CRADD: variants seen among roughly 807,000 people sequenced by gnomAD.
CRADD encodes death domain-containing protein CRADD.
A neutral mutation model predicts 15.5 loss-of-function variants in CRADD; 9 were observed. That is an observed-to-expected ratio of 0.58 (90% CI 0.35 to 1.01). The LOEUF (loss-of-function observed/expected upper bound fraction) is 1.01, where lower values mean the gene tolerates loss of function less well. CRADD is among the 50% of genes least tolerant of loss of function. The probability of loss-of-function intolerance (pLI) is 0.02; values close to 1 mark genes in which losing one functional copy is unlikely to be tolerated. For synonymous variants in CRADD, 118 were observed against 107.6 expected, an observed-to-expected ratio of 1.10 and a Z score of -0.60; for missense variants, 227 against 250.3, an observed-to-expected ratio of 0.91 and a Z score of 0.63.
chr12:93,802,622 A>G (rs1270155065), intron 2 of CRADD, among the ~76,000 whole-genome samples: 1 of 152,180 alleles, frequency 6.6e-6, no homozygotes, highest in Non-Finnish European at 1.5e-5. Context: ...CTGCAGGTAA[A>G]TGTATCTTTG....
At chr12:93,754,010 C>T (rs1432868270) in intron 2 of CRADD, among the ~76,000 whole-genome samples, 1 of 152,264 alleles carries the variant, frequency 6.6e-6, no homozygotes, top group East Asian at 1.9e-4. Context: ...AGCGCTCCGC[C>T]CCTGCAGCAT....
chr12:93,753,057 G>T (rs746651850), intron 2 of CRADD, among the ~76,000 whole-genome samples: 2 of 151,158 alleles, frequency 1.3e-5, no homozygotes, highest in Non-Finnish European at 3.0e-5. Flanking sequence ...TTCTTCCCAC[G>T]ACATGTGGGA....
intron 2 of CRADD, among the ~76,000 whole-genome samples, chr12:93,702,027 G>A (rs1955852831): frequency 1.3e-5 from 2 of 151,492 alleles, no homozygotes; most frequent in African/African-American, 2.4e-5. Flanking sequence ...CATAGATACC[G>A]GTAAACTTAT....
chr12:93,879,463 C>G (rs1009712088), intron 2 of CRADD, among the ~76,000 whole-genome samples: 1 of 152,150 alleles, frequency 6.6e-6, no homozygotes, highest in African/African-American at 2.4e-5. Flanking sequence ...GGTAACTGGT[C>G]TCCTTTCCTC....
downstream of CRADD, among the ~76,000 whole-genome samples, chr12:93,852,406 C>T (rs1958233648): frequency 6.6e-6 from 1 of 152,344 alleles, no homozygotes; most frequent in East Asian, 1.9e-4. Flanking sequence ...CAGTGAGAGA[C>T]AATTAGTGAA....
chr12:93,683,999 T>C (rs529757029), intron 2 of CRADD, among the ~76,000 whole-genome samples: 1 of 152,146 alleles, frequency 6.6e-6, no homozygotes, highest in African/African-American at 2.4e-5. Context: ...TCAGTATCCA[T>C]AGCAAGACCC....
intron 2 of CRADD, among the ~76,000 whole-genome samples, chr12:93,883,463 A>G (rs1958516085): frequency 6.6e-6 from 1 of 152,106 alleles, no homozygotes; most frequent in Non-Finnish European, 1.5e-5. Flanking sequence ...CAGGTACCAC[A>G]TAAGACATTA....
intron 2 of CRADD, among the ~76,000 whole-genome samples, chr12:93,719,572 G>A (rs928741396): frequency 4.6e-5 from 7 of 152,070 alleles, no homozygotes; most frequent in African/African-American, 1.4e-4. Context: ...ACTCACCTGG[G>A]CTTGGTACTT....
At chr12:93,867,034 T>G (rs909672717) in intron 2 of CRADD, among the ~76,000 whole-genome samples, 1 of 152,092 alleles carries the variant, frequency 6.6e-6, no homozygotes, top group Non-Finnish European at 1.5e-5. Flanking sequence ...GAATTTGGGC[T>G]GGGGAGCAGG....
intron 2 of CRADD, among the ~76,000 whole-genome samples, chr12:93,889,678 C>A (rs1958563160): frequency 6.6e-6 from 1 of 152,168 alleles, no homozygotes; most frequent in African/African-American, 2.4e-5. Context: ...CAGGCCCCAG[C>A]TGCTCAAAGA....
In CRADD at chr12:93,811,081, G is replaced by A. The variant is rs538201713; in HGVS notation, c.299-38889G>A. On this transcript the variant is annotated intron_variant, in intron 2 of 2. Transcript: ENST00000332896. ...CCTCCTGGAACAGCCGGCTGCTGGT[G>A]GTCTAGTTTTTTGAAAGAAGCCCTG... Among the ~76,000 whole-genome samples, 5 of 152,260 alleles carry A rather than the reference G, an allele frequency of 3.3e-5. No individual in the cohort carries two copies. In the East Asian group the frequency reaches 9.6e-4, roughly 29 times the overall value.
At chr12:93,715,043 T>TC (rs1310236478) in intron 2 of CRADD, 1 of 150,764 alleles carries the variant, frequency 6.6e-6, no homozygotes, top group African/African-American at 2.5e-5. Flanking sequence ...AGTTGAGACA[T>TC]CATCCAATGT....
In CRADD at chr12:93,783,716, C is replaced by T. The variant is rs554063195; in HGVS notation, c.299-66254C>T. Among the ~76,000 whole-genome samples the T allele has an allele frequency of 8.5e-5, 13 of 152,164 alleles. No individual in the cohort carries two copies. The South Asian group carries it at 1.9e-3, about 22-fold the overall frequency. ...TTTGATAATCTTTTTTGTTAGAAGT[C>T]GAAGCCTGAGAAAAATGGCTAATTT... On this transcript the variant is annotated intron_variant, in intron 2 of 2. Coordinates refer to ENST00000332896, the MANE Select transcript of CRADD (RefSeq NM_003805.5).
At chr12:93,799,117 A>G (rs1957451126) in intron 2 of CRADD, among the ~76,000 whole-genome samples, 1 of 152,158 alleles carries the variant, frequency 6.6e-6, no homozygotes, top group African/African-American at 2.4e-5. Context: ...AGGGACTTGA[A>G]CTGTGTTATT....
chr12:93,756,679 A>G (rs117590677), intron 2 of CRADD, among the ~76,000 whole-genome samples: 2,468 of 152,360 alleles, frequency 0.016, 22 homozygotes, highest in Non-Finnish European at 0.025. Flanking sequence ...AGCAGTAGGA[A>G]GCCTTTCTGT....
chr12:93,751,662 C>T (rs1299291233), intron 2 of CRADD, among the ~76,000 whole-genome samples: 7 of 152,096 alleles, frequency 4.6e-5, no homozygotes, highest in African/African-American at 1.7e-4. Context: ...GTCAGAAGTT[C>T]GAAACCTGCC....
At chr12:93,679,308 AG>A (rs1955233168) in intron 2 of CRADD, among the ~76,000 whole-genome samples, 1 of 151,872 alleles carries the variant, frequency 6.6e-6, no homozygotes, top group Non-Finnish European at 1.5e-5. Flanking sequence ...TGCCCTGCTA[AG>A]TTTTGTATTT....
At chr12:93,810,551 C>CAA (rs56689824) in intron 2 of CRADD, among the ~76,000 whole-genome samples, 7 of 39,068 alleles carry the variant, frequency 1.8e-4, no homozygotes, top group East Asian at 1.0e-3. Context: ...AAATCAGTCT[C>CAA]AAAAAAAAAA....
chr12:93,873,724 T>C (rs1207266760), intron 2 of CRADD, among the ~76,000 whole-genome samples: 1 of 152,152 alleles, frequency 6.6e-6, no homozygotes, highest in Non-Finnish European at 1.5e-5. Flanking sequence ...GATTAATTTG[T>C]ATATGTTGAA....
Sources: gnomAD v4.1 joint callset for allele counts (sites outside exome capture counted in the v4.1 genomes callset) on GRCh38, gnomAD v4.1.1 for gene constraint, MANE v1.5 for transcripts, NCBI Gene and HGNC (gene_info 2026-07-23, HGNC 2026-07-21) for gene names.